TMED2: variants seen among roughly 807,000 people sequenced by gnomAD.
The protein encoded by TMED2 is transmembrane p24 trafficking protein 2.
Under a neutral mutation model 17.5 loss-of-function variants are expected in TMED2, and 3 were observed. That is an observed-to-expected ratio of 0.17 (90% CI 0.08 to 0.44). The LOEUF is 0.44. Ranked by LOEUF, TMED2 falls within the 20% of genes least tolerant of loss-of-function variation. TMED2 has a pLI of 0.99. For synonymous variants in TMED2, 95 were observed against 91.0 expected (o/e 1.04, Z -0.25); for missense variants, 149 against 254.8 (o/e 0.58, Z 2.83).
intron 2 of TMED2, chr12:123,587,747 T>G (rs1953362128): frequency 9.0e-6 from 8 of 884,464 alleles, no homozygotes; most frequent in Non-Finnish European, 1.2e-5. Flanking sequence ...TTTTTTCTCT[T>G]AAAAAACCCC....
chr12:123,590,257 C>A, intron 2 of TMED2, 85 bp from the exon 3 acceptor site: 1 of 1,100,126 alleles, frequency 9.1e-7, no homozygotes, highest in Non-Finnish European at 1.3e-6. Context: ...TGCACTCCAG[C>A]CTGGGCAACA....
Position 123,590,275 on chromosome 12 carries a change from ACT to A in TMED2, c.374-64_374-63del, listed in dbSNP as rs538673179. Reference sequence around the variant, plus strand: ...ACTCCAGCCTGGGCAACAGAGCGAGACTCTGTCTCAAAAAAAAAAAAAAAAAG... The same window carrying A: ...ACTCCAGCCTGGGCAACAGAGCGAGACTGTCTCAAAAAAAAAAAAAAAAAG... On this transcript the variant is annotated intron_variant, in intron 2 of 3. Transcript: ENST00000262225. 2,190 of 1,272,554 alleles carry A rather than the reference ACT, an allele frequency of 1.7e-3. 15 individuals carry two copies. Among genetic ancestry groups the A allele is most frequent in the Middle Eastern group, 9.8e-3 (43 of 4,380 alleles). The allele number at this position is 1,272,554 out of a possible 1,614,324, so 78.8% of individuals were successfully genotyped here. A position where few individuals can be genotyped will look rare whatever the true frequency, so the allele number is the denominator to read the frequency against.
At chr12:123,587,619 G>T in intron 2 of TMED2, 1 of 1,280,746 alleles carries the variant, frequency 7.8e-7, no homozygotes, top group Non-Finnish European at 1.0e-6. Flanking sequence ...AGGTGGTGGA[G>T]ATACCTGGGA....
At position 123,595,280 on chromosome 12, in the gene TMED2, T is replaced by G. The variant is rs143633653; in HGVS notation, c.482-1325T>G. Among the ~76,000 whole-genome samples the G allele has an allele frequency of 3.9e-5, 6 of 152,204 alleles. No individual in the cohort carries two copies. In the East Asian group the frequency reaches 1.2e-3, roughly 29 times the overall value. On this transcript the variant is annotated intron_variant, in intron 3 of 3. Transcript: ENST00000262225. ...TGATCAGAAACTTGAATGTAACAAA[T>G]AGAGTATAGTAAATATAGAGTAGGT...
rs763666224 is a variant in TMED2 at position 123,586,738 on chromosome 12, T to A, written c.181-9T>A. ...TGTGACATTTTATGCATTTCTCTCT[T>A]GCCTCCAGATTACAGGACCAGATAA... On this transcript the variant is annotated splice_polypyrimidine_tract_variant and intron_variant, in intron 1 of 3. Coordinates refer to ENST00000262225, the MANE Select transcript of TMED2 (RefSeq NM_006815.4). The A allele has an allele frequency of 6.3e-7, 1 of 1,578,494 alleles. No homozygotes were observed. The highest frequency in any genetic ancestry group is 1.4e-5 in the African/African-American group (1 of 73,698).
rs1392082600 is a variant in TMED2, at chr12:123,597,495, C to A, written c.*766C>A. ...CACATTGGCACATTCACTTCTCCCA[C>A]TCTTGGCATGTAAGAAATAAGCATT... On this transcript the variant is annotated 3_prime_UTR_variant, in exon 4 of 4. Coordinates refer to ENST00000262225, the MANE Select transcript of TMED2 (RefSeq NM_006815.4). 2 of 152,626 alleles carry A rather than the reference C, an allele frequency of 1.3e-5. No individual in the cohort carries two copies. The highest frequency in any genetic ancestry group is 2.9e-5 in the Non-Finnish European group (2 of 68,038). The allele number at this position is 152,626 out of a possible 1,614,324, so 9.5% of individuals were successfully genotyped here.
At chr12:123,596,545 T>TG in intron 3 of TMED2, 60 bp from the exon 4 acceptor site, 1 of 1,552,388 alleles carries the variant, frequency 6.4e-7, no homozygotes, top group Non-Finnish European at 8.7e-7. Flanking sequence ...ATATTTATGA[T>TG]GCCTATGTCT....
At chr12:123,596,480 ATCTAT>A (rs1237062882) in intron 3 of TMED2, 120 bp from the exon 4 acceptor site, 7 of 1,241,224 alleles carry the variant, frequency 5.6e-6, no homozygotes, top group Middle Eastern at 2.2e-4. Context: ...GTTGAGGAAC[ATCTAT>A]TCTATGAGTG....
rs201810438 is a variant in TMED2, at chr12:123,590,351, A to G, written c.383A>G (p.Asn128Ser). ...TCAAATCCTTCTATAGCTCACCAGA[A>G]CAAGCTAGAAGAAATGATCAATGAG... ...GQDMETEAHQ[N>S]KLEEMINELA... is the part of the protein sequence containing the mutation. The change falls in exon 3 of 4, where the codon AAC becomes AGC. Residue 128 changes from asparagine to serine, a missense_variant. Transcript: ENST00000262225. 1.2e-6 allele frequency: 2 copies of G among 1,604,660 alleles called. No homozygotes were observed. Among genetic ancestry groups the G allele is most frequent in the African/African-American group, 2.7e-5 (2 of 74,584 alleles).
At chr12:123,584,873 G>A (rs1886309333) in intron 1 of TMED2, 57 bp downstream of exon 1, 4 of 1,589,848 alleles carry the variant, frequency 2.5e-6, no homozygotes, top group Non-Finnish European at 3.4e-6. Flanking sequence ...GGGGATTGGT[G>A]GCACCTGGGA....
At chr12:123,587,949 G>C (rs1953364336) in intron 2 of TMED2, among the ~76,000 whole-genome samples, 1 of 152,200 alleles carries the variant, frequency 6.6e-6, no homozygotes. Flanking sequence ...ATTAAACATA[G>C]CTCATAGCAA....
chr12:123,587,068 G>A lies in TMED2; in HGVS notation c.373+129G>A, dbSNP rs1012121032. On this transcript the variant is annotated intron_variant, in intron 2 of 3. Transcript: ENST00000262225. Reference sequence around the variant, plus strand: ...TAACCAAAACCTTTTTGTGAAATACGCTTTTTATTTTTTGCAAGTCTCCTA... The same window carrying A: ...TAACCAAAACCTTTTTGTGAAATACACTTTTTATTTTTTGCAAGTCTCCTA... 17 of 896,190 alleles carry A rather than the reference G, an allele frequency of 1.9e-5. No individual in the cohort carries two copies. The Admixed American group carries it at 3.1e-4, about 16-fold the overall frequency. The allele number at this position is 896,190 out of a possible 1,614,324, so 55.5% of individuals were successfully genotyped here. A position where few individuals can be genotyped will look rare whatever the true frequency, so the allele number is the denominator to read the frequency against.
chr12:123,591,879 G>A (rs967135802), intron 3 of TMED2, among the ~76,000 whole-genome samples: 9 of 152,216 alleles, frequency 5.9e-5, no homozygotes, highest in African/African-American at 1.9e-4. Flanking sequence ...GCAAGCTCTT[G>A]TCTTAAGGGC....
chr12:123,584,584 G>T lies in TMED2; in HGVS notation c.-53G>T. 1.3e-6 allele frequency: 2 copies of T among 1,570,260 alleles called. No homozygotes were observed. Among genetic ancestry groups the T allele is most frequent in the Non-Finnish European group, 1.7e-6 (2 of 1,163,052 alleles). ...CAGCGGGGCGGCGGCGGCGGCGGCG[G>T]CGGCGGCTGTGGAGGCCGCAGTCCG... On this transcript the variant is annotated 5_prime_UTR_variant, in exon 1 of 4. Transcript: ENST00000262225.
chr12:123,593,068 A>G (rs1462993849), intron 3 of TMED2, among the ~76,000 whole-genome samples: 1 of 152,136 alleles, frequency 6.6e-6, no homozygotes, highest in African/African-American at 2.4e-5. Flanking sequence ...TAAAAATACA[A>G]AAATTAGCCA....
chr12:123,595,622 G>A (rs904844358), intron 3 of TMED2, among the ~76,000 whole-genome samples: 2 of 152,142 alleles, frequency 1.3e-5, no homozygotes, highest in African/African-American at 2.4e-5. Flanking sequence ...AATACAGGAC[G>A]TTTCAATGGT....
At chr12:123,588,187 GT>G (rs11342180) in intron 2 of TMED2, among the ~76,000 whole-genome samples, 21,893 of 148,410 alleles carry the variant, frequency 0.15, 1,845 homozygotes, top group African/African-American at 0.23. Context: ...ATTTGGTGGT[GT>G]TTTTTTTTGT....
At position 123,598,472 on chromosome 12, in the gene TMED2, A is replaced by C. The variant is rs905551388; in HGVS notation, c.*1743A>C. The stretch of plus-strand genomic sequence containing the variant: ...CAGATTAAATGATTTGCCCAAGGCC[A>C]CAGAAAAGAGTGAAAGGTGGAACCG... On this transcript the variant is annotated 3_prime_UTR_variant, in exon 4 of 4. Transcript: ENST00000262225. The C allele has an allele frequency of 2.0e-5, 3 of 152,240 alleles. No individual in the cohort carries two copies. The highest frequency in any genetic ancestry group is 7.2e-5 in the African/African-American group (3 of 41,468). The allele number at this position is 152,240 out of a possible 1,614,324, so 9.4% of individuals were successfully genotyped here.
chr12:123,590,953 AG>A (rs1953387969), intron 3 of TMED2, among the ~76,000 whole-genome samples: 1 of 151,834 alleles, frequency 6.6e-6, no homozygotes, highest in African/African-American at 2.4e-5. Context: ...ACTGCACTCC[AG>A]CCTGGGCAAT....
Sources: allele counts gnomAD v4.1 joint callset (sites outside exome capture counted in the v4.1 genomes callset), GRCh38; gene constraint gnomAD v4.1.1; transcripts MANE v1.5; gene names NCBI Gene and HGNC (gene_info 2026-07-23, HGNC 2026-07-21).